The following MGAT4C variants were observed in gnomAD, a reference collection of about 807,000 sequenced individuals.
MGAT4C encodes MGAT4 family member C, also known as alpha-1,3-mannosyl-glycoprotein 4-beta-N-acetylglucosaminyltransferase C.
In MGAT4C, 19 loss-of-function variants were observed where a neutral mutation model predicts 40.1. The observed-to-expected ratio is 0.47, with a 90% CI of 0.33 to 0.70. The LOEUF (loss-of-function observed/expected upper bound fraction) is 0.70, where lower values mean the gene tolerates loss of function less well. MGAT4C is among the 30% of genes least tolerant of loss of function. The pLI is 0.02. For missense variants in MGAT4C, 491 were observed against 563.2 expected (o/e 0.87, Z 1.30); for synonymous variants, 181 against 187.1 (o/e 0.97, Z 0.27).
chr12:86,088,534 A>AAAAC (rs1222770588), intron 1 of MGAT4C, among the ~76,000 whole-genome samples: 5 of 152,124 alleles, frequency 3.3e-5, no homozygotes, highest in Admixed American at 3.3e-4. Context: ...TTAAAAGCAG[A>AAAAC]AAACAAGAAA....
chr12:86,694,212 T>C (rs1370882292), intron 2 of MGAT4C, among the ~76,000 whole-genome samples: 1 of 152,158 alleles, frequency 6.6e-6, no homozygotes, highest in Non-Finnish European at 1.5e-5. Context: ...TCTGCCCTAG[T>C]TACCACCTCT....
At position 86,194,270 on chromosome 12, in the gene MGAT4C, T is replaced by C. The variant is rs186995750; in HGVS notation, c.-57+61969A>G. Among the ~76,000 whole-genome samples, 11 of 127,402 alleles carry C rather than the reference T, an allele frequency of 8.6e-5. No homozygotes were observed. The East Asian group carries it at 1.4e-3, about 16-fold the overall frequency. The allele number at this position is 127,402 out of a possible 152,430, so 83.6% of individuals were successfully genotyped here. ...CATCTAAAAAGTCCAATAACCCTTG[T>C]TTTTTTTTATCACTGGGTTTCAGTG... On this transcript the variant is annotated intron_variant, in intron 1 of 4. Coordinates refer to ENST00000611864, the MANE Select transcript of MGAT4C (RefSeq NM_001351288.2).
intron 2 of MGAT4C, among the ~76,000 whole-genome samples, chr12:86,695,530 A>C (rs1009207263): frequency 6.6e-6 from 1 of 152,202 alleles, no homozygotes; most frequent in Non-Finnish European, 1.5e-5. Flanking sequence ...ATGTCCATCA[A>C]CGTATGAATG....
chr12:86,230,725 A>C (rs1951282121), intron 1 of MGAT4C, among the ~76,000 whole-genome samples: 1 of 152,152 alleles, frequency 6.6e-6, no homozygotes, highest in Non-Finnish European at 1.5e-5. Flanking sequence ...TCCAAAGAGA[A>C]AATCTCTGAG....
In MGAT4C at chr12:85,976,695, A is replaced by G. The variant is rs943691158; in HGVS notation, c.*2594T>C. The stretch of plus-strand genomic sequence containing the variant: ...TTATATATATGTATATATGTATTAT[A>G]TATGTATATATATATAAACTTACAG... On this transcript the variant is annotated 3_prime_UTR_variant, in exon 5 of 5. Transcript: ENST00000611864. 6 of 146,974 alleles carry G rather than the reference A, an allele frequency of 4.1e-5. No homozygotes were observed. The highest frequency in any genetic ancestry group is 1.2e-4 in the African/African-American group (5 of 40,718). 9.1% of individuals were successfully genotyped at this position (146,974 alleles called of 1,614,324 possible). A position where few individuals can be genotyped will look rare whatever the true frequency, so the allele number is the denominator to read the frequency against.
chr12:86,386,177 G>T (rs1165504927), intron 3 of MGAT4C, among the ~76,000 whole-genome samples: 1 of 152,084 alleles, frequency 6.6e-6, no homozygotes, highest in Non-Finnish European at 1.5e-5. Flanking sequence ...TGATCCACCC[G>T]CCTCGGCCTC....
chr12:86,443,411 A>G (rs1957271428), intron 2 of MGAT4C, among the ~76,000 whole-genome samples: 1 of 152,162 alleles, frequency 6.6e-6, no homozygotes, highest in African/African-American at 2.4e-5. Flanking sequence ...CAAAATCCTG[A>G]CAATTGTTAC....
chr12:86,069,838 C>T (rs576522096), intron 1 of MGAT4C, among the ~76,000 whole-genome samples: 2 of 152,098 alleles, frequency 1.3e-5, no homozygotes, highest in South Asian at 2.1e-4. Context: ...CCCCTCCCCA[C>T]CCCCAATATA....
At chr12:86,603,800 T>TA (rs5799785) in intron 2 of MGAT4C, among the ~76,000 whole-genome samples, 116,619 of 132,552 alleles carry the variant, frequency 0.88, 52,026 homozygotes, top group South Asian at 0.97. Context: ...ATAGTATATA[T>TA]ATTATATAGT....
chr12:86,725,165 A>G (rs1241744057), intron 2 of MGAT4C, among the ~76,000 whole-genome samples: 1 of 152,220 alleles, frequency 6.6e-6, no homozygotes, highest in Non-Finnish European at 1.5e-5. Flanking sequence ...TATGCTGTAA[A>G]AGAAAGTACT....
At chr12:86,443,984 T>C (rs1236607130) in intron 2 of MGAT4C, among the ~76,000 whole-genome samples, 1 of 152,198 alleles carries the variant, frequency 6.6e-6, no homozygotes, top group Non-Finnish European at 1.5e-5. Flanking sequence ...CGTTAATTCA[T>C]CCTCATCGGT....
intron 2 of MGAT4C, among the ~76,000 whole-genome samples, chr12:86,447,118 TTTTGTTTGTTTG>T (rs796108484): frequency 2.6e-4 from 40 of 152,058 alleles, no homozygotes; most frequent in African/African-American, 9.2e-4. Flanking sequence ...GCAGCATTCT[TTTTGTTTGTTTG>T]TTTGTTTGTT....
chr12:85,989,342 A>G (rs1346817487), intron 3 of MGAT4C, 58 bp downstream of exon 3: 1 of 1,457,228 alleles, frequency 6.9e-7, no homozygotes, highest in African/African-American at 1.4e-5. Context: ...AATGGGACTA[A>G]TTCTTGTTTG....
intron 2 of MGAT4C, among the ~76,000 whole-genome samples, chr12:86,525,293 G>T (rs1171921992): frequency 6.6e-6 from 1 of 152,154 alleles, no homozygotes; most frequent in African/African-American, 2.4e-5. Flanking sequence ...CTGTGAAGAA[G>T]GTGGTTGCTT....
chr12:86,540,845 G>C (rs189467249), intron 2 of MGAT4C, among the ~76,000 whole-genome samples: 1 of 152,074 alleles, frequency 6.6e-6, no homozygotes, highest in Non-Finnish European at 1.5e-5. Context: ...ATAAATGTTC[G>C]TTTTCCTTTT....
chr12:86,046,139 TA>T (rs1892377322), intron 2 of MGAT4C, among the ~76,000 whole-genome samples: 1 of 152,316 alleles, frequency 6.6e-6, no homozygotes, highest in East Asian at 1.9e-4. Flanking sequence ...GTTGAGAACA[TA>T]AGATGTTGTG....
intron 1 of MGAT4C, among the ~76,000 whole-genome samples, chr12:86,837,298 T>C (rs1286525321): frequency 1.3e-5 from 2 of 152,226 alleles, no homozygotes; most frequent in Admixed American, 6.5e-5. Flanking sequence ...GAGGACTTTA[T>C]ACTCTTTTCT....
At chr12:86,095,106 T>TA (rs1381889410) in intron 1 of MGAT4C, among the ~76,000 whole-genome samples, 1 of 152,162 alleles carries the variant, frequency 6.6e-6, no homozygotes, top group East Asian at 1.9e-4. Context: ...TACATACTGA[T>TA]ATAAATGATG....
At chr12:86,461,779 G>A (rs1423217180) in intron 2 of MGAT4C, among the ~76,000 whole-genome samples, 2 of 152,080 alleles carry the variant, frequency 1.3e-5, no homozygotes, top group South Asian at 2.1e-4. Flanking sequence ...CAAAATGGGG[G>A]TGGTCAGAAT....
Sources: gnomAD v4.1 joint callset for allele counts (sites outside exome capture counted in the v4.1 genomes callset) on GRCh38, gnomAD v4.1.1 for gene constraint, MANE v1.5 for transcripts, NCBI Gene and HGNC (gene_info 2026-07-23, HGNC 2026-07-21) for gene names.